The following NIBAN1 variants were observed in gnomAD, a reference collection of about 807,000 sequenced individuals.
NIBAN1 encodes protein Niban 1.
In NIBAN1, 81 loss-of-function variants were observed where a neutral mutation model predicts 75.1. That is an observed-to-expected ratio of 1.08 (90% CI 0.90 to 1.30). NIBAN1 has a LOEUF of 1.30. Ranked by LOEUF, NIBAN1 falls within the 50% of genes most tolerant of loss-of-function variation. The pLI is 0.00. For synonymous variants in NIBAN1, 436 were observed against 424.8 expected (o/e 1.03, Z -0.32); for missense variants, 1,133 against 1,128.1 (o/e 1.00, Z -0.06).
chr1:184,801,190 G>A (rs542112165), intron 12 of NIBAN1, among the ~76,000 whole-genome samples: 1 of 152,150 alleles, frequency 6.6e-6, no homozygotes, highest in Non-Finnish European at 1.5e-5. Flanking sequence ...TTTACAGCAG[G>A]TGATCAGAAG....
At chr1:184,805,880 C>G in intron 11 of NIBAN1, 66 bp downstream of exon 11, 1 of 1,318,276 alleles carries the variant, frequency 7.6e-7, no homozygotes. Flanking sequence ...GTATTTTCCA[C>G]TTTACAAAAG....
chr1:184,875,999 CGTT>C (rs1467686876), intron 5 of NIBAN1, among the ~76,000 whole-genome samples: 1 of 151,868 alleles, frequency 6.6e-6, no homozygotes, highest in Non-Finnish European at 1.5e-5. Flanking sequence ...CATGGAGAAA[CGTT>C]GTCTCTGCTA....
intron 1 of NIBAN1, among the ~76,000 whole-genome samples, chr1:184,943,274 T>C (rs1317638623): frequency 1.3e-5 from 2 of 152,124 alleles, no homozygotes; most frequent in Non-Finnish European, 2.9e-5. Flanking sequence ...GGCCAACAAA[T>C]GGAAAAACAA....
At chr1:184,926,955 C>A (rs1242304854) in intron 1 of NIBAN1, among the ~76,000 whole-genome samples, 1 of 152,098 alleles carries the variant, frequency 6.6e-6, no homozygotes, top group Admixed American at 6.6e-5. Flanking sequence ...TTGATGCATT[C>A]TTCAGTATGT....
chr1:184,830,396 G>A (rs79164389), intron 6 of NIBAN1, among the ~76,000 whole-genome samples: 8,474 of 152,166 alleles, frequency 0.056, 275 homozygotes, highest in Middle Eastern at 0.088. Context: ...ATGAATGGCT[G>A]TGCTTCCCCA....
At chr1:184,852,920 ACCT>A (rs1280313351) in intron 5 of NIBAN1, among the ~76,000 whole-genome samples, 1 of 151,608 alleles carries the variant, frequency 6.6e-6, no homozygotes, top group Non-Finnish European at 1.5e-5. Flanking sequence ...GGTCTCTTTG[ACCT>A]CCTCATTTCC....
At chr1:184,902,489 A>G (rs1427628531) in intron 1 of NIBAN1, among the ~76,000 whole-genome samples, 8 of 152,172 alleles carry the variant, frequency 5.3e-5, no homozygotes, top group African/African-American at 1.9e-4. Flanking sequence ...TCATAATTAA[A>G]ATGATGATGA....
chr1:184,890,546 A>G (rs1015361340), intron 3 of NIBAN1, among the ~76,000 whole-genome samples: 8 of 152,200 alleles, frequency 5.3e-5, no homozygotes, highest in African/African-American at 1.9e-4. Context: ...GCCATTTCAG[A>G]TGCTAACAAC....
At chr1:184,864,508 C>T (rs112474377) in intron 5 of NIBAN1, among the ~76,000 whole-genome samples, 1,853 of 152,090 alleles carry the variant, frequency 0.012, 36 homozygotes, top group African/African-American at 0.043. Flanking sequence ...ATTCCAGTAA[C>T]GGAAGCCACT....
At chr1:184,971,122 C>T (rs1484796399) in intron 1 of NIBAN1, among the ~76,000 whole-genome samples, 1 of 151,214 alleles carries the variant, frequency 6.6e-6, no homozygotes, top group East Asian at 2.0e-4. Context: ...CCCATCTCTA[C>T]AAAAAATACA....
intron 5 of NIBAN1, chr1:184,867,783 G>T: frequency 1.2e-6 from 1 of 849,264 alleles, no homozygotes; most frequent in Non-Finnish European, 1.4e-6. Flanking sequence ...AATTGAGTTT[G>T]GTTTATAAGC....
chr1:184,863,176 A>G (rs368470928), intron 5 of NIBAN1, among the ~76,000 whole-genome samples: 9 of 152,286 alleles, frequency 5.9e-5, no homozygotes, highest in Non-Finnish European at 8.8e-5. Context: ...TCTCTGCCCT[A>G]TGAAGCTTTG....
intron 12 of NIBAN1, among the ~76,000 whole-genome samples, chr1:184,799,912 A>T (rs1653986101): frequency 1.0e-5 from 1 of 96,698 alleles, no homozygotes; most frequent in Non-Finnish European, 1.9e-5. Context: ...CGCCCAGCTA[A>T]TTTTTTGTAT....
chr1:184,935,912 G>A (rs4650673), intron 1 of NIBAN1, among the ~76,000 whole-genome samples: 59,585 of 150,852 alleles, frequency 0.39, 13,569 homozygotes, highest in South Asian at 0.51. Flanking sequence ...TGGGACAAAC[G>A]GGAGACAGGC....
At chr1:184,955,769 A>G (rs1178883571) in intron 1 of NIBAN1, among the ~76,000 whole-genome samples, 2 of 152,232 alleles carry the variant, frequency 1.3e-5, no homozygotes, top group African/African-American at 4.8e-5. Flanking sequence ...AAAAGTGACA[A>G]TAAAAACAAG....
chr1:184,822,683 G>C (rs577059158), intron 8 of NIBAN1, among the ~76,000 whole-genome samples: 6 of 152,132 alleles, frequency 3.9e-5, no homozygotes, highest in Non-Finnish European at 8.8e-5. Context: ...AGGGTGACTG[G>C]GTATGACTCC....
Position 184,791,062 on chromosome 1 carries a change from G to A in NIBAN1, c.*3915C>T, listed in dbSNP as rs748070205. On this transcript the variant is annotated 3_prime_UTR_variant, in exon 14 of 14. Coordinates refer to ENST00000367511, the MANE Select transcript of NIBAN1 (RefSeq NM_052966.4). ...GGATGAACATTTTATTGGAATATAG[G>A]CACCTGGCAGAGTAAATACATGGTT... 1 of 470,916 alleles carries A rather than the reference G, an allele frequency of 2.1e-6. No individual in the cohort carries two copies. Among genetic ancestry groups the A allele is most frequent in the South Asian group, 1.6e-5 (1 of 64,456 alleles). The allele number at this position is 470,916 out of a possible 1,614,324, so 29.2% of individuals were successfully genotyped here.
intron 5 of NIBAN1, among the ~76,000 whole-genome samples, chr1:184,871,215 T>A (rs1656097617): frequency 6.6e-6 from 1 of 151,320 alleles, no homozygotes; most frequent in Non-Finnish European, 1.5e-5. Context: ...AGCATGGTGG[T>A]GTGTGCCTGT....
chr1:184,841,682 T>C (rs1655291425), intron 5 of NIBAN1, among the ~76,000 whole-genome samples: 1 of 152,176 alleles, frequency 6.6e-6, no homozygotes, highest in African/African-American at 2.4e-5. Context: ...GTGTGGCAGA[T>C]TTTGACTCAA....
Sources: gnomAD v4.1 joint callset for allele counts (sites outside exome capture counted in the v4.1 genomes callset) on GRCh38, gnomAD v4.1.1 for gene constraint, MANE v1.5 for transcripts, NCBI Gene and HGNC (gene_info 2026-07-23, HGNC 2026-07-21) for gene names.